GLB1: variants seen among roughly 807,000 people sequenced by gnomAD.
The protein encoded by GLB1 is galactosidase beta 1, also known as beta-galactosidase.
In GLB1, 56 loss-of-function variants were observed where a neutral mutation model predicts 74.0. The ratio of observed to expected loss-of-function variants is 0.76; its 90% CI spans 0.61 to 0.94. GLB1 has a LOEUF of 0.94. GLB1 is among the 40% of genes least tolerant of loss of function. The probability of loss-of-function intolerance (pLI) is 0.00; values close to 1 mark genes in which losing one functional copy is unlikely to be tolerated. For missense variants in GLB1, 787 were observed against 845.5 expected, an observed-to-expected ratio of 0.93 and a Z score of 0.86; for synonymous variants, 323 against 323.6, an observed-to-expected ratio of 1.00 and a Z score of 0.02.
chr3:33,060,917 T>C (rs1268216498), intron 5 of GLB1, among the ~76,000 whole-genome samples: 1 of 151,988 alleles, frequency 6.6e-6, no homozygotes, highest in Non-Finnish European at 1.5e-5. Context: ...AGATCTGGCA[T>C]CTAGTAAGTG....
intron 10 of GLB1, among the ~76,000 whole-genome samples, chr3:33,026,690 AC>A (rs1223650767): frequency 6.6e-6 from 1 of 152,082 alleles, no homozygotes; most frequent in Non-Finnish European, 1.5e-5. Flanking sequence ...GCTCAGCAAG[AC>A]CAGAAGATGG....
At chr3:33,043,771 G>GAGAGATACCTCAGAAAAATACCAAGCA (rs1698599549) in intron 10 of GLB1, among the ~76,000 whole-genome samples, 1 of 82,258 alleles carries the variant, frequency 1.2e-5, no homozygotes, top group Non-Finnish European at 2.9e-5. Context: ...ACAGCATTGG[G>GAGAGATACCTCAGAAAAATACCAAGCA]AAAGATACCT....
chr3:33,095,210 CAAAAAAA>C (rs71630565), intron 1 of GLB1, among the ~76,000 whole-genome samples: 1,247 of 75,930 alleles, frequency 0.016, 10 homozygotes, highest in African/African-American at 0.047. Context: ...GACTCTGTCT[CAAAAAAA>C]AAAAAAAAAA....
In GLB1 at chr3:33,074,324, AGAAG is replaced by A. The variant is rs71622579; in HGVS notation, c.76-1615_76-1612del. ...ACTCCGTCAAAAGAAAGAACGAGAA[AGAAG>A]GAAGGAAGGAAGGAAGGAAGGAAGG... On this transcript the variant is annotated intron_variant, in intron 1 of 15. Coordinates refer to ENST00000307363, the MANE Select transcript of GLB1 (RefSeq NM_000404.4). Among the ~76,000 whole-genome samples the A allele has an allele frequency of 2.5e-3, 235 of 92,974 alleles. 7 individuals carry two copies. The highest frequency in any genetic ancestry group is 9.8e-3 in the African/African-American group (218 of 22,180). 61.0% of individuals were successfully genotyped at this position (92,974 alleles called of 152,430 possible).
At chr3:33,058,688 C>T (rs1699320829) in intron 5 of GLB1, among the ~76,000 whole-genome samples, 1 of 152,174 alleles carries the variant, frequency 6.6e-6, no homozygotes, top group South Asian at 2.1e-4. Flanking sequence ...TTTTAGTATA[C>T]AGCCGTCTAG....
At chr3:32,970,100 C>T in the GLB1 span, among the ~76,000 whole-genome samples, 9 of 152,198 alleles carry the variant, frequency 5.9e-5, no homozygotes, top group African/African-American at 1.9e-4. Flanking sequence ...TTTGGACTGC[C>T]TCTAACTCTA....
chr3:32,981,779 A>G, the GLB1 span, among the ~76,000 whole-genome samples: 3 of 152,208 alleles, frequency 2.0e-5, no homozygotes, highest in African/African-American at 7.2e-5. Flanking sequence ...TCTCAAAAAA[A>G]AAAAAGAAAA....
chr3:32,985,972 A>G, the GLB1 span, among the ~76,000 whole-genome samples: 1 of 152,184 alleles, frequency 6.6e-6, no homozygotes, highest in Admixed American at 6.5e-5. Flanking sequence ...TTTTCCTCCC[A>G]AAGTGCTGGG....
intron 1 of GLB1, among the ~76,000 whole-genome samples, chr3:33,078,647 G>T (rs1305515088): frequency 1.3e-5 from 2 of 152,096 alleles, no homozygotes; most frequent in Admixed American, 1.3e-4. Context: ...AAGAAAGGGA[G>T]TATTATTTGG....
rs1042040335 is a variant in GLB1 at position 33,045,700 on chromosome 3, G to C, written c.1068+420C>G. ...ATAGGGGCTCCCATATATCCATGCT[G>C]CCTTAATAGGGGCTATAGTCTCAAG... On this transcript the variant is annotated intron_variant, in intron 10 of 15. Coordinates refer to ENST00000307363, the MANE Select transcript of GLB1 (RefSeq NM_000404.4). The C allele has an allele frequency of 8.4e-6, 9 of 1,075,840 alleles. No individual in the cohort carries two copies. The Middle Eastern group carries it at 1.3e-3, about 160-fold the overall frequency. The allele number at this position is 1,075,840 out of a possible 1,614,324, so 66.6% of individuals were successfully genotyped here.
At chr3:33,057,540 T>C (rs894160668) in intron 6 of GLB1, among the ~76,000 whole-genome samples, 1 of 152,210 alleles carries the variant, frequency 6.6e-6, no homozygotes, top group Admixed American at 6.5e-5. Context: ...GTAAGGAATC[T>C]GGCATAGCCT....
intron 15 of GLB1, among the ~76,000 whole-genome samples, chr3:33,009,253 G>C (rs1452175492): frequency 1.3e-5 from 2 of 152,182 alleles, no homozygotes; most frequent in Non-Finnish European, 2.9e-5. Context: ...GCCGGGTGCA[G>C]TGGTTCATGC....
chr3:33,064,070 G>A (rs1012995647), intron 5 of GLB1, among the ~76,000 whole-genome samples: 3 of 152,102 alleles, frequency 2.0e-5, no homozygotes, highest in African/African-American at 7.2e-5. Context: ...ACTCCCCTAG[G>A]GAGTGCCACT....
chr3:33,009,454 G>A (rs774006986), intron 15 of GLB1, among the ~76,000 whole-genome samples: 11 of 152,180 alleles, frequency 7.2e-5, no homozygotes, highest in African/African-American at 1.2e-4. Context: ...CCCAGGAGGC[G>A]GAGGTTGCAG....
rs1700853422 is a variant in GLB1, at chr3:33,093,344, A to G, written c.75+3667T>C. On this transcript the variant is annotated intron_variant, in intron 1 of 15. Transcript: ENST00000307363. This position sits in a 1 kb window ranked among gnomAD's most constrained non-coding sequence, Gnocchi z 6.0. ...CCAGAAGTGCAAACCAGTTGCTGACATCTGACGTGTAGTACTCATGATTGC... is the reference window on the plus strand; with the variant it reads ...CCAGAAGTGCAAACCAGTTGCTGACGTCTGACGTGTAGTACTCATGATTGC... 1.2e-6 allele frequency: 2 copies of G among 1,614,216 alleles called. No homozygotes were observed. Among genetic ancestry groups the G allele is most frequent in the Non-Finnish European group, 1.7e-6 (2 of 1,180,038 alleles).
At chr3:33,072,305 CT>C (rs576910640) in intron 2 of GLB1, among the ~76,000 whole-genome samples, 8 of 152,298 alleles carry the variant, frequency 5.3e-5, no homozygotes, top group Non-Finnish European at 1.0e-4. Context: ...TTCCCCCATC[CT>C]TTTCCTTTTT....
At chr3:33,080,037 C>T (rs892198219) in intron 1 of GLB1, among the ~76,000 whole-genome samples, 1 of 151,846 alleles carries the variant, frequency 6.6e-6, no homozygotes, top group Non-Finnish European at 1.5e-5. Context: ...TCCCACCTCA[C>T]GATCGCAAAG....
At chr3:33,025,211 C>T (rs949197790) in intron 10 of GLB1, among the ~76,000 whole-genome samples, 3 of 152,224 alleles carry the variant, frequency 2.0e-5, no homozygotes, top group Non-Finnish European at 4.4e-5. Flanking sequence ...TCCCAAAGTG[C>T]TCGGATTACA....
chr3:32,968,575 A>G, the GLB1 span, among the ~76,000 whole-genome samples: 1 of 152,306 alleles, frequency 6.6e-6, no homozygotes, highest in South Asian at 2.1e-4. Flanking sequence ...CCTGGTGTCA[A>G]ATAAGAGAGT....
Sources: gnomAD v4.1 joint callset for allele counts (sites outside exome capture counted in the v4.1 genomes callset) on GRCh38, gnomAD v4.1.1 for gene constraint, Gnocchi (gnomAD v3.1) non-coding constraint, MANE v1.5 for transcripts, NCBI Gene and HGNC (gene_info 2026-07-23, HGNC 2026-07-21) for gene names.